The following H2BC18 variants were observed in gnomAD, a reference collection of about 807,000 sequenced individuals.
H2BC18 encodes the protein H2B clustered histone 18, also known as histone H2B type 2-F.
Under a neutral mutation model 6.3 loss-of-function variants are expected in H2BC18, and 8 were observed. That is an observed-to-expected ratio of 1.28 (90% CI 0.75 to 2.31). The LOEUF is 2.31. H2BC18 is among the 30% of genes most tolerant of loss of function. H2BC18 has a pLI of 0.00. For missense variants in H2BC18, 106 were observed against 174.5 expected (o/e 0.61, Z 2.21); for synonymous variants, 104 against 78.1 (o/e 1.33, Z -1.75).
intron 1 of H2BC18, among the ~76,000 whole-genome samples, chr1:149,798,784 T>A (rs1553753021): frequency 6.6e-6 from 1 of 152,126 alleles, no homozygotes. Context: ...GCTAATATTT[T>A]TACTTTTTGT....
At position 149,792,496 on chromosome 1, in the gene H2BC18, A is replaced by C. The variant is rs1367869082; in HGVS notation, c.378-9236T>G. On this transcript the variant is annotated intron_variant, in intron 1 of 1. Coordinates refer to the H2BC18 transcript ENST00000545683. Reference sequence around the variant, plus strand: ...TGACTCTACTAAAAGTTTAGGGAAAAAAAACAGGAGGAGTATGACACACAC... The same window carrying C: ...TGACTCTACTAAAAGTTTAGGGAAACAAAACAGGAGGAGTATGACACACAC... 3.6e-6 allele frequency: 4 copies of C among 1,109,390 alleles called. No homozygotes were observed. In the African/African-American group the frequency reaches 7.0e-5, roughly 20 times the overall value. The allele number at this position is 1,109,390 out of a possible 1,614,324, so 68.7% of individuals were successfully genotyped here. A position where few individuals can be genotyped will look rare whatever the true frequency, so the allele number is the denominator to read the frequency against.
chr1:149,802,718 C>A (rs1457293992), intron 1 of H2BC18, among the ~76,000 whole-genome samples: 1 of 152,166 alleles, frequency 6.6e-6, no homozygotes, highest in African/African-American at 2.4e-5. Flanking sequence ...CACAGTGCAG[C>A]CTTCAGTCTG....
In H2BC18 at chr1:149,792,983, G is replaced by A. The variant is rs781908333; in HGVS notation, c.378-9723C>T. 19 of 1,276,636 alleles carry A rather than the reference G, an allele frequency of 1.5e-5. No homozygotes were observed. In the South Asian group the frequency reaches 2.1e-4, roughly 14 times the overall value. 79.1% of individuals were successfully genotyped at this position (1,276,636 alleles called of 1,614,324 possible). A position where few individuals can be genotyped will look rare whatever the true frequency, so the allele number is the denominator to read the frequency against. ...GTTCGGTAGTCTGCGAGGGCCCGCG[G>A]CCTCCCCAGGCGCGTAGCTGAGTCC... On this transcript the variant is annotated intron_variant, in intron 1 of 1. Transcript: ENST00000545683.
chr1:149,799,713 A>G (rs1341088768), intron 1 of H2BC18, among the ~76,000 whole-genome samples: 1 of 151,952 alleles, frequency 6.6e-6, no homozygotes, highest in Non-Finnish European at 1.5e-5. Flanking sequence ...ATCTGGATCT[A>G]TTTTTCATAT....
intron 1 of H2BC18, among the ~76,000 whole-genome samples, chr1:149,804,775 GTTTA>G (rs1334339725): frequency 6.6e-6 from 1 of 152,116 alleles, no homozygotes; most frequent in Non-Finnish European, 1.5e-5. Flanking sequence ...CTGTAAGGAA[GTTTA>G]TTTATCACAA....
In H2BC18 at chr1:149,812,264, CG is replaced by C. The variant is rs2091987040; in HGVS notation, c.59del (p.Thr20ArgfsTer27). On this transcript the variant is annotated frameshift_variant, in exon 1 of 1. Transcript: ENST00000369167. LOFTEE classifies it high-confidence loss of function. ...APKKGSKKAV[T>X]KVQKKDGKKR... ...TCTTGCCGTCCTTCTTCTGCACTTT[CG>C]TAACAGCCTTTTTGGAGCCCTTCTT... 1 of 1,614,120 alleles carries C rather than the reference CG, an allele frequency of 6.2e-7. No individual in the cohort carries two copies. Among genetic ancestry groups the C allele is most frequent in the East Asian group, 2.2e-5 (1 of 44,904 alleles).
intron 1 of H2BC18, among the ~76,000 whole-genome samples, chr1:149,785,336 T>C (rs1383319012): frequency 6.6e-6 from 1 of 151,036 alleles, no homozygotes; most frequent in African/African-American, 2.4e-5. Context: ...TTGATGTTCC[T>C]CATGTGTCCC....
intron 1 of H2BC18, chr1:149,789,922 G>A: frequency 1.3e-6 from 2 of 1,569,146 alleles, no homozygotes; most frequent in Non-Finnish European, 1.7e-6. Context: ...TCTGCTGGAA[G>A]TAAAAAGGGT....
downstream of H2BC18, chr1:149,811,735 A>AT (rs782245086): frequency 1.3e-5 from 9 of 676,404 alleles, no homozygotes; most frequent in Non-Finnish European, 2.3e-5. Flanking sequence ...CTGGACGGGG[A>AT]TGACTGAGGG....
downstream of H2BC18, among the ~76,000 whole-genome samples, chr1:149,810,111 T>C (rs1395567755): frequency 7.2e-5 from 11 of 151,982 alleles, no homozygotes; most frequent in Non-Finnish European, 1.3e-4. Flanking sequence ...CAAAAGGCCC[T>C]GAAAAACATG....
downstream of H2BC18, among the ~76,000 whole-genome samples, chr1:149,810,107 G>A (rs2101499325): frequency 6.6e-6 from 1 of 151,814 alleles, no homozygotes; most frequent in African/African-American, 2.4e-5. Context: ...ACTTCAAAAG[G>A]CCCTGAAAAA....
intron 1 of H2BC18, among the ~76,000 whole-genome samples, chr1:149,804,651 C>T (rs2091901986): frequency 2.0e-5 from 3 of 151,916 alleles, no homozygotes; most frequent in Admixed American, 2.0e-4. Flanking sequence ...CATGTTCCAG[C>T]CACTGTACTA....
chr1:149,788,760 A>G, intron 1 of H2BC18: 1 of 860,818 alleles, frequency 1.2e-6, no homozygotes, highest in Non-Finnish European at 1.8e-6. Context: ...CCACACCATG[A>G]CCAGTAGCTG....
downstream of H2BC18, chr1:149,811,852 A>G (rs1236813099): frequency 6.9e-6 from 8 of 1,167,012 alleles, no homozygotes; most frequent in Admixed American, 1.1e-4. Flanking sequence ...CGCTCTGACA[A>G]GTGTTTACAG....
chr1:149,784,741 A>T (rs2091496132), intron 1 of H2BC18, among the ~76,000 whole-genome samples: 1 of 149,542 alleles, frequency 6.7e-6, no homozygotes. Flanking sequence ...TATAGTTTTA[A>T]AGCTGTGGGT....
intron 1 of H2BC18, chr1:149,785,560 C>G (rs1376524114): frequency 6.6e-6 from 1 of 151,572 alleles, no homozygotes; most frequent in East Asian, 1.9e-4. Flanking sequence ...TTTCATGGTT[C>G]AAGTGACAAC....
intron 1 of H2BC18, chr1:149,784,088 C>T: frequency 1.9e-6 from 3 of 1,611,536 alleles, no homozygotes; most frequent in Non-Finnish European, 1.7e-6. Context: ...GTGAGGTGCT[C>T]CATCTGCCTG....
intron 1 of H2BC18, among the ~76,000 whole-genome samples, chr1:149,801,810 C>T (rs1218834925): frequency 6.6e-6 from 1 of 152,060 alleles, no homozygotes; most frequent in African/African-American, 2.4e-5. Flanking sequence ...AGGTTATTTC[C>T]TCATGCCAGG....
intron 1 of H2BC18, among the ~76,000 whole-genome samples, chr1:149,796,183 C>T (rs2091798209): frequency 6.6e-6 from 1 of 152,168 alleles, no homozygotes; most frequent in African/African-American, 2.4e-5. Context: ...CTTTCCCCTT[C>T]ATCTCCCTAT....
Sources: allele counts gnomAD v4.1 joint callset (sites outside exome capture counted in the v4.1 genomes callset), GRCh38; gene constraint gnomAD v4.1.1; transcripts MANE v1.5; gene names NCBI Gene and HGNC (gene_info 2026-07-23, HGNC 2026-07-21).